The following COL11A1 variants were observed in gnomAD, a reference collection of about 807,000 sequenced individuals.
COL11A1 encodes collagen alpha-1(XI) chain.
Under a neutral mutation model 265.2 loss-of-function variants are expected in COL11A1, and 74 were observed. The observed-to-expected ratio is 0.28, with a 90% CI of 0.23 to 0.34. COL11A1 has a LOEUF of 0.34. Ranked by LOEUF, COL11A1 falls within the 10% of genes least tolerant of loss-of-function variation. The pLI is 1.00. For synonymous variants in COL11A1, 816 were observed against 727.6 expected (o/e 1.12, Z -1.96); for missense variants, 2,165 against 2,263.6 (o/e 0.96, Z 0.88).
chr1:102,899,523 G>A (rs1676501), intron 54 of COL11A1, among the ~76,000 whole-genome samples: 13,335 of 151,756 alleles, frequency 0.088, 693 homozygotes, highest in Middle Eastern at 0.16. Flanking sequence ...GAACTATGCA[G>A]TTCACATAAA....
At chr1:103,031,324 G>A in intron 4 of COL11A1, 80 bp from the exon 5 acceptor site, 1 of 1,487,524 alleles carries the variant, frequency 6.7e-7, no homozygotes, top group Non-Finnish European at 9.1e-7. Context: ...AAAGCGAGAT[G>A]TGGTTTATTT....
At chr1:103,065,291 C>T (rs998618308) in intron 4 of COL11A1, among the ~76,000 whole-genome samples, 5 of 151,934 alleles carry the variant, frequency 3.3e-5, no homozygotes, top group Non-Finnish European at 7.4e-5. Context: ...GAGGCCGAGG[C>T]GGGAGGATCA....
chr1:103,064,097 ACT>A (rs1243303219), intron 4 of COL11A1, among the ~76,000 whole-genome samples: 5 of 152,220 alleles, frequency 3.3e-5, no homozygotes, highest in African/African-American at 9.6e-5. Flanking sequence ...AGCAAAACAA[ACT>A]CTCGTTCCTT....
intron 54 of COL11A1, among the ~76,000 whole-genome samples, chr1:102,905,471 G>A (rs1653860741): frequency 6.7e-6 from 1 of 149,572 alleles, no homozygotes; most frequent in Non-Finnish European, 1.5e-5. Flanking sequence ...AAAATTAGTG[G>A]TGCCTTTATT....
chr1:103,049,624 T>G (rs943246878), intron 4 of COL11A1, among the ~76,000 whole-genome samples: 11 of 152,154 alleles, frequency 7.2e-5, no homozygotes, highest in African/African-American at 2.7e-4. Context: ...CGTTATGTGT[T>G]AATTTGATCC....
intron 50 of COL11A1, 28 bp from the exon 51 acceptor site, chr1:102,914,839 AGAAGAAGG>A: frequency 6.5e-7 from 1 of 1,528,136 alleles, no homozygotes; most frequent in Non-Finnish European, 9.0e-7. Flanking sequence ...AAAAAAAAGA[AGAAGAAGG>A]AAAGAAGAGT....
chr1:102,986,093 CT>C (rs1238794620), intron 30 of COL11A1, among the ~76,000 whole-genome samples: 2 of 151,902 alleles, frequency 1.3e-5, no homozygotes, highest in Non-Finnish European at 2.9e-5. Flanking sequence ...ACGGTGGGGG[CT>C]TCTATTTGTA....
At position 102,970,233 on chromosome 1, in the gene COL11A1, G is replaced by T; in HGVS notation, c.2848C>A (p.Gln950Lys). The T allele has an allele frequency of 6.2e-7, 1 of 1,612,098 alleles. No homozygotes were observed. Among genetic ancestry groups the T allele is most frequent in the Non-Finnish European group, 8.5e-7 (1 of 1,178,832 alleles). The change falls in exon 37 of 67, where the codon CAA (glutamine) becomes AAA (lysine). Residue 950 changes from glutamine to lysine, a missense_variant. Transcript: ENST00000370096. ...GKDGLPGHPG[Q>K]RGETGFQGKT... Reference sequence around the variant, plus strand: ...AGGTCACTTACAGTCTCCCCACGTTGCCCAGGGTGTCCTGGCAGCCCATCC... The same window carrying T: ...AGGTCACTTACAGTCTCCCCACGTTTCCCAGGGTGTCCTGGCAGCCCATCC...
intron 35 of COL11A1, among the ~76,000 whole-genome samples, chr1:102,978,243 C>G (rs1233658008): frequency 1.3e-5 from 2 of 152,052 alleles, no homozygotes; most frequent in African/African-American, 4.8e-5. Context: ...TACTAAATAG[C>G]TATTCTATTT....
rs116326850 is a variant in COL11A1, at chr1:102,971,210, A to G, written c.2809-938T>C. 9.1e-3 allele frequency among the ~76,000 whole-genome samples: 1,392 copies of G among 152,276 alleles called. 11 individuals are homozygous for G. Among genetic ancestry groups the G allele is most frequent in the Non-Finnish European group, 0.012 (835 of 68,018 alleles). ...GCATAATGTTTGTGAAGTACCACAG[A>G]GCAAATCTGCTGCTATCACTTTGTA... On this transcript the variant is annotated intron_variant, in intron 36 of 66. Transcript: ENST00000370096.
chr1:103,046,457 T>A (rs1386289005), intron 4 of COL11A1, among the ~76,000 whole-genome samples: 1 of 151,762 alleles, frequency 6.6e-6, no homozygotes, highest in Non-Finnish European at 1.5e-5. Context: ...GGGTTGTTAG[T>A]TTTTTTCTTG....
chr1:103,035,392 T>C (rs1668285597), intron 4 of COL11A1, among the ~76,000 whole-genome samples: 2 of 152,070 alleles, frequency 1.3e-5, no homozygotes, highest in South Asian at 4.1e-4. Context: ...CAACATTACA[T>C]CACAAAAATG....
At chr1:103,015,831 A>G in intron 11 of COL11A1, 89 bp from the exon 12 acceptor site, 1 of 996,826 alleles carries the variant, frequency 1.0e-6, no homozygotes, top group Non-Finnish European at 1.5e-6. Context: ...AGTCTACTTT[A>G]TCTAATTTGC....
At chr1:102,933,721 G>A (rs1657810061) in intron 46 of COL11A1, among the ~76,000 whole-genome samples, 1 of 152,262 alleles carries the variant, frequency 6.6e-6, no homozygotes, top group Middle Eastern at 3.4e-3. Flanking sequence ...ATCTCAGACT[G>A]CTGTGCTAGC....
intron 12 of COL11A1, among the ~76,000 whole-genome samples, chr1:103,014,891 A>G (rs1042492346): frequency 3.9e-5 from 6 of 152,022 alleles, no homozygotes; most frequent in Non-Finnish European, 7.4e-5. Flanking sequence ...CTTTTTTTTA[A>G]GCACAAATGT....
chr1:103,013,883 ATT>A (rs1264744857), intron 13 of COL11A1, among the ~76,000 whole-genome samples: 1 of 151,952 alleles, frequency 6.6e-6, no homozygotes, highest in Non-Finnish European at 1.5e-5. Flanking sequence ...TCTTGTGTAT[ATT>A]CTAATTTCAA....
At chr1:103,087,803 A>G (rs1672997828) in intron 1 of COL11A1, among the ~76,000 whole-genome samples, 1 of 152,184 alleles carries the variant, frequency 6.6e-6, no homozygotes, top group South Asian at 2.1e-4. Flanking sequence ...ATACTTTTTT[A>G]AAATTATTTG....
intron 8 of COL11A1, 112 bp from the exon 9 acceptor site, chr1:103,021,881 T>G: frequency 1.2e-6 from 1 of 831,788 alleles, no homozygotes; most frequent in Non-Finnish European, 2.0e-6. Flanking sequence ...GGAGTCTCCC[T>G]CTGTTGCCCA....
intron 58 of COL11A1, among the ~76,000 whole-genome samples, chr1:102,889,884 T>G (rs1206817181): frequency 2.0e-5 from 3 of 152,048 alleles, no homozygotes; most frequent in African/African-American, 7.2e-5. Context: ...TAATATAAGT[T>G]GAATAAATAA....
Sources: gnomAD v4.1 joint callset for allele counts (sites outside exome capture counted in the v4.1 genomes callset) on GRCh38, gnomAD v4.1.1 for gene constraint, MANE v1.5 for transcripts, NCBI Gene and HGNC (gene_info 2026-07-23, HGNC 2026-07-21) for gene names.